CPAMD8: variants seen among roughly 807,000 people sequenced by gnomAD.
CPAMD8 encodes C3 and PZP like alpha-2-macroglobulin domain containing 8, also known as C3 and PZP-like alpha-2-macroglobulin domain-containing protein 8.
CPAMD8 carries 146 observed loss-of-function variants against 224.7 expected under a neutral mutation model. The ratio of observed to expected loss-of-function variants is 0.65; its 90% CI spans 0.57 to 0.75. CPAMD8 has a LOEUF of 0.75. Among genes scored for constraint, CPAMD8 ranks in the 30% least tolerant of loss-of-function variants. CPAMD8 has a pLI of 0.00. For missense variants in CPAMD8, 2,301 were observed against 2,537.5 expected (o/e 0.91, Z 2.00); for synonymous variants, 966 against 1,044.6 (o/e 0.92, Z 1.45).
chr19:16,937,577 G>A (rs562942011), intron 23 of CPAMD8, among the ~76,000 whole-genome samples: 34 of 151,580 alleles, frequency 2.2e-4, no homozygotes, highest in Non-Finnish European at 4.7e-4. Context: ...TTGGGTTCAA[G>A]AGATTCTGCT....
intron 3 of CPAMD8, among the ~76,000 whole-genome samples, chr19:17,019,475 A>G (rs1188352494): frequency 1.3e-5 from 2 of 152,174 alleles, no homozygotes; most frequent in Non-Finnish European, 2.9e-5. Flanking sequence ...ATGTGCATGA[A>G]CAAGAATGTG....
At chr19:16,989,991 C>T (rs1446370001) in intron 12 of CPAMD8, among the ~76,000 whole-genome samples, 3 of 152,222 alleles carry the variant, frequency 2.0e-5, no homozygotes, top group Non-Finnish European at 4.4e-5. Flanking sequence ...GTGACTCACA[C>T]CTGTAATCAC....
intron 18 of CPAMD8, among the ~76,000 whole-genome samples, chr19:16,966,249 C>A (rs189498300): frequency 6.6e-6 from 1 of 152,244 alleles, no homozygotes; most frequent in East Asian, 1.9e-4. Context: ...GGAATGGATT[C>A]GCTATTTAAT....
chr19:16,992,513 G>A (rs368677425), intron 12 of CPAMD8, among the ~76,000 whole-genome samples: 35 of 152,150 alleles, frequency 2.3e-4, no homozygotes, highest in East Asian at 1.4e-3. Context: ...GTGCAGTGGC[G>A]CAATCTTGGC....
At chr19:16,950,793 GAA>G (rs757775739) in intron 20 of CPAMD8, among the ~76,000 whole-genome samples, 126 of 45,880 alleles carry the variant, frequency 2.7e-3, no homozygotes, top group African/African-American at 9.8e-3. Flanking sequence ...ACCCTGTCTC[GAA>G]AAAAAAAAAA....
chr19:17,009,362 A>C (rs1305721084), intron 5 of CPAMD8, 42 bp from the exon 6 acceptor site: 2 of 1,613,766 alleles, frequency 1.2e-6, no homozygotes, highest in African/African-American at 2.7e-5. Flanking sequence ...TCTTCCAGCA[A>C]ACCCCAAACC....
chr19:16,904,173 G>A, intron 32 of CPAMD8, 53 bp downstream of exon 32: 1 of 1,141,964 alleles, frequency 8.8e-7, no homozygotes, highest in East Asian at 2.5e-5. Flanking sequence ...AAGGACTGCA[G>A]GGACCCCACC....
At position 16,980,587 on chromosome 19, in the gene CPAMD8, G is replaced by A; in HGVS notation, c.1495C>T (p.Gln499Ter). ...AARGNIVLSG[Q>*]QPAHTTQQRS... ...TGCTGGGTGGTGTGGGCAGGCTGCT[G>A]GCCCGATAGCACAATATTGCCCCGT... Residue 499 changes from glutamine to a stop codon, truncating the protein, a stop_gained, in exon 14 of 42, where the codon CAG becomes TAG. Coordinates refer to ENST00000443236, the MANE Select transcript of CPAMD8 (RefSeq NM_015692.5). LOFTEE classifies it high-confidence loss of function. 6.2e-7 allele frequency: 1 copy of A among 1,613,656 alleles called. No individual in the cohort carries two copies. Among genetic ancestry groups the A allele is most frequent in the South Asian group, 1.1e-5 (1 of 91,006 alleles).
chr19:16,923,745 C>T (rs969697030), intron 26 of CPAMD8, among the ~76,000 whole-genome samples: 1 of 152,152 alleles, frequency 6.6e-6, no homozygotes, highest in Non-Finnish European at 1.5e-5. Flanking sequence ...GAGAGGATCA[C>T]TTGAGGCCGG....
intron 3 of CPAMD8, among the ~76,000 whole-genome samples, chr19:17,015,537 C>T (rs915711345): frequency 3.9e-5 from 6 of 152,164 alleles, no homozygotes; most frequent in African/African-American, 7.2e-5. Context: ...CTCTGAACAG[C>T]CTCAGAGGGA....
rs1599641898 is a variant in CPAMD8, at chr19:16,896,637, G to A, written c.5094C>T (p.Ala1698=). The A allele has an allele frequency of 3.4e-6, 5 of 1,480,572 alleles. No individual in the cohort carries two copies. The highest frequency in any genetic ancestry group is 4.5e-6 in the Non-Finnish European group (5 of 1,119,660). The allele number at this position is 1,480,572 out of a possible 1,614,324, so 91.7% of individuals were successfully genotyped here. Residue 1698 remains alanine, a synonymous_variant, in exon 40 of 42, where the codon GCC becomes GCT. Coordinates refer to ENST00000443236, the MANE Select transcript of CPAMD8 (RefSeq NM_015692.5). The part of the protein sequence containing the change: ...PGWFPGESGP[A]VAPEEGAAIA... ...TCGCCGCCCCCTCCTCAGGGGCCAC[G>A]GCAGGGCCCGACTCGCCGGGGAACC...
chr19:16,960,053 T>G (rs995752780), intron 18 of CPAMD8, among the ~76,000 whole-genome samples: 1 of 152,058 alleles, frequency 6.6e-6, no homozygotes, highest in Admixed American at 6.6e-5. Context: ...CTAATTTCCC[T>G]CCCTGGGTTT....
chr19:16,919,073 G>A (rs923898066), intron 27 of CPAMD8, among the ~76,000 whole-genome samples: 2 of 151,906 alleles, frequency 1.3e-5, no homozygotes, highest in African/African-American at 4.8e-5. Context: ...CATGGTGGCA[G>A]GTGCCTATAG....
rs139279813 is a variant in CPAMD8, at chr19:17,000,406, T to C, written c.867+8A>G. The stretch of plus-strand genomic sequence containing the variant: ...GGTCAGGGGGTAGAAGGGGTCCCTG[T>C]TTCTCACCTTGGTTGTTCTGAGGAC... On this transcript the variant is annotated splice_region_variant and intron_variant, in intron 10 of 41. Transcript: ENST00000443236. The C allele has an allele frequency of 2.0e-3, 2,349 of 1,191,152 alleles. 40 individuals are homozygous for C. The African/African-American group carries it at 0.032, about 16-fold the overall frequency. 73.8% of individuals were successfully genotyped at this position (1,191,152 alleles called of 1,614,324 possible).
At chr19:16,914,908 G>A (rs902646594) in intron 27 of CPAMD8, 95 bp from the exon 28 acceptor site, 47 of 861,382 alleles carry the variant, frequency 5.5e-5, no homozygotes, top group Middle Eastern at 4.7e-4. Flanking sequence ...CACCACCCCC[G>A]GCCTCCATTT....
At chr19:17,013,277 G>A (rs982806598) in intron 3 of CPAMD8, 2 of 152,176 alleles carry the variant, frequency 1.3e-5, no homozygotes, top group African/African-American at 2.4e-5. Context: ...GGGAGGCCGA[G>A]GTGGGCAGAT....
chr19:16,981,675 T>C (rs1057251902), intron 13 of CPAMD8, among the ~76,000 whole-genome samples: 3 of 152,178 alleles, frequency 2.0e-5, no homozygotes, highest in Non-Finnish European at 2.9e-5. Flanking sequence ...TGTGGCCATG[T>C]CCAACACTTT....
chr19:16,984,329 AAAGAGAGAG>A (rs1211642403), intron 13 of CPAMD8, among the ~76,000 whole-genome samples: 8 of 141,550 alleles, frequency 5.7e-5, no homozygotes, highest in African/African-American at 2.4e-4. Flanking sequence ...AAAAAAAAAA[AAAGAGAGAG>A]AGAGAGAGAG....
At position 17,004,439 on chromosome 19, in the gene CPAMD8, G is replaced by C; in HGVS notation, c.560-53C>G. The C allele has an allele frequency of 3.3e-6, 4 of 1,210,690 alleles. No individual in the cohort carries two copies. The South Asian group carries it at 4.9e-5, about 15-fold the overall frequency. 75.0% of individuals were successfully genotyped at this position (1,210,690 alleles called of 1,614,324 possible). On this transcript the variant is annotated intron_variant, in intron 7 of 41. Coordinates refer to ENST00000443236, the MANE Select transcript of CPAMD8 (RefSeq NM_015692.5). The stretch of plus-strand genomic sequence containing the variant: ...TTTCAGAGAGCCACAGACACGGTGA[G>C]GTACGGGAAGAGGGAGCCAGGACCC...
Sources: allele counts gnomAD v4.1 joint callset (sites outside exome capture counted in the v4.1 genomes callset), GRCh38; gene constraint gnomAD v4.1.1; transcripts MANE v1.5; gene names NCBI Gene and HGNC (gene_info 2026-07-23, HGNC 2026-07-21).